Variants in KLHL41 observed in about 807,000 individuals in gnomAD.
KLHL41 encodes kelch-like protein 41.
Under a neutral mutation model 49.2 loss-of-function variants are expected in KLHL41, and 31 were observed. The ratio of observed to expected loss-of-function variants is 0.63; its 90% confidence interval spans 0.47 to 0.85. The LOEUF (loss-of-function observed/expected upper bound fraction) is 0.85, where lower values mean the gene tolerates loss of function less well. Among genes scored for constraint, KLHL41 ranks in the 40% least tolerant of loss-of-function variants. KLHL41 has a pLI of 0.00. For synonymous variants in KLHL41, 218 were observed against 258.5 expected (o/e 0.84, Z 1.50); for missense variants, 663 against 726.7 (o/e 0.91, Z 1.01).
chr2:169,518,281 G>A lies in KLHL41; in HGVS notation c.1468G>A (p.Val490Ile), dbSNP rs1341786999. The A allele has an allele frequency of 5.6e-6, 9 of 1,613,938 alleles. No individual in the cohort carries two copies. Among genetic ancestry groups the A allele is most frequent in the Non-Finnish European group, 7.6e-6 (9 of 1,179,912 alleles). ...PMKIPRSMFG[V>I]AVHKGKIVIA... ...GAAAATTCCTCGTTCCATGTTTGGA[G>A]TAGCAGTCCATAAAGGCAAAATTGT... Residue 490 changes from valine (V) to isoleucine (I), a missense_variant, in exon 4 of 6, where the codon GTA becomes ATA. Transcript: ENST00000284669.
rs1307507702 is a variant in KLHL41 at position 169,525,768 on chromosome 2, T to C, written c.*72T>C. 1.2e-6 allele frequency: 1 copy of C among 849,810 alleles called. No individual in the cohort carries two copies. The highest frequency in any genetic ancestry group is 1.9e-6 in the Non-Finnish European group (1 of 516,630). 52.6% of individuals were successfully genotyped at this position (849,810 alleles called of 1,614,324 possible). A position where few individuals can be genotyped will look rare whatever the true frequency, so the allele number is the denominator to read the frequency against. Reference sequence around the variant, plus strand: ...ATGGGGCTTTAATTTATTCTGTTTTTTAAAAGCTTGTACAGACACTCATGT... The same window carrying C: ...ATGGGGCTTTAATTTATTCTGTTTTCTAAAAGCTTGTACAGACACTCATGT... On this transcript the variant is annotated 3_prime_UTR_variant, in exon 6 of 6. Transcript: ENST00000284669.
chr2:169,510,939 C>T lies in KLHL41; in HGVS notation c.1110+51C>T. 2.7e-6 allele frequency: 4 copies of T among 1,480,062 alleles called. No homozygotes were observed. The South Asian group carries it at 3.8e-5, about 14-fold the overall frequency. The allele number at this position is 1,480,062 out of a possible 1,614,324, so 91.7% of individuals were successfully genotyped here. A position where few individuals can be genotyped will look rare whatever the true frequency, so the allele number is the denominator to read the frequency against. On this transcript the variant is annotated intron_variant, in intron 1 of 5. Coordinates refer to ENST00000284669, the MANE Select transcript of KLHL41 (RefSeq NM_006063.3). This position sits in a 1 kb window ranked among gnomAD's most constrained non-coding sequence, Gnocchi z 4.2. ...GTTGCTTAAAGGGAAGGCTGTTACT[C>T]ACCATCCAGTTAGCCAATTTGTGAA... is the stretch of plus-strand genomic sequence containing the variant.
chr2:169,524,623 C>G (rs1425961417), intron 5 of KLHL41, among the ~76,000 whole-genome samples: 2 of 151,956 alleles, frequency 1.3e-5, no homozygotes, highest in Non-Finnish European at 2.9e-5. Context: ...GTCTCAAACT[C>G]CTGATCTCAG....
At chr2:169,515,027 TTTC>T in intron 3 of KLHL41, 66 bp downstream of exon 3, 1 of 984,154 alleles carries the variant, frequency 1.0e-6, no homozygotes, top group Non-Finnish European at 1.5e-6. Context: ...TTCTTCCTCT[TTTC>T]TTTTCTTTTT....
At chr2:169,523,272 C>T (rs557847660) in intron 5 of KLHL41, among the ~76,000 whole-genome samples, 73 of 152,294 alleles carry the variant, frequency 4.8e-4, no homozygotes, top group African/African-American at 1.7e-3. Context: ...GCGATTAGAG[C>T]AGTGGTTCCC....
intron 4 of KLHL41, 142 bp from the exon 5 acceptor site, chr2:169,520,719 C>G: frequency 3.2e-6 from 2 of 631,290 alleles, no homozygotes; most frequent in Non-Finnish European, 5.4e-6. Context: ...TCCCAAAGTG[C>G]TGGGATTACC....
At chr2:169,523,140 C>T (rs1243662854) in intron 5 of KLHL41, among the ~76,000 whole-genome samples, 1 of 152,140 alleles carries the variant, frequency 6.6e-6, no homozygotes, top group Non-Finnish European at 1.5e-5. Context: ...AAAAGCCATG[C>T]TGCCCCTGCA....
Position 169,510,336 on chromosome 2 carries a change from CA to C in KLHL41, c.559del (p.Ser187AlafsTer2), listed in dbSNP as rs776266534. The C allele has an allele frequency of 6.2e-7, 1 of 1,614,032 alleles. No homozygotes were observed. The highest frequency in any genetic ancestry group is 1.1e-5 in the South Asian group (1 of 91,070). On this transcript the variant is annotated frameshift_variant, in exon 1 of 6. Coordinates refer to ENST00000284669, the MANE Select transcript of KLHL41 (RefSeq NM_006063.3). LOFTEE classifies it high-confidence loss of function. This position sits in a 1 kb window ranked among gnomAD's most constrained non-coding sequence, Gnocchi z 4.2. ...AACTGATCTCAGTCATTTCAAATGA[CA>C]GCCTAAATGTAGAAAAAGAAGAAGC... is the stretch of plus-strand genomic sequence containing the variant. ...QELISVISND[S>X]LNVEKEEAVF...
intron 4 of KLHL41, among the ~76,000 whole-genome samples, chr2:169,520,621 T>A (rs1369344045): frequency 6.6e-6 from 1 of 151,526 alleles, no homozygotes; most frequent in African/African-American, 2.4e-5. Context: ...CTGGCTAATT[T>A]TTTGTATTTT....
chr2:169,511,744 CATTT>C (rs1280822082), intron 1 of KLHL41, among the ~76,000 whole-genome samples: 2 of 152,188 alleles, frequency 1.3e-5, no homozygotes, highest in African/African-American at 4.8e-5. Context: ...TATTATATCA[CATTT>C]ATTTGGATCA....
chr2:169,514,505 A>G, intron 1 of KLHL41, 69 bp from the exon 2 acceptor site: 1 of 1,328,572 alleles, frequency 7.5e-7, no homozygotes, highest in South Asian at 1.3e-5. Flanking sequence ...TATAAAGTAT[A>G]ACTTTTTTTG....
intron 3 of KLHL41, among the ~76,000 whole-genome samples, chr2:169,516,541 A>G (rs1336374989): frequency 1.3e-5 from 2 of 152,192 alleles, no homozygotes; most frequent in African/African-American, 2.4e-5. Context: ...TTGGAAACAC[A>G]GGAACCCTGC....
chr2:169,510,584 A>G lies in KLHL41; in HGVS notation c.806A>G (p.Asn269Ser), dbSNP rs1684016248. Residue 269 changes from asparagine to serine, a missense_variant, in exon 1 of 6, where the codon AAT becomes AGT. Asn to Ser is a conservative substitution (Grantham distance 46, BLOSUM62 1). Transcript: ENST00000284669. The surrounding 1 kb of genome is among the most constrained non-coding windows in gnomAD (Gnocchi z 4.2). ...FAGKLPEPSK[N>S]AAKTGAGEVN... ...GGCAAACTCCCAGAACCTAGCAAAA[A>G]TGCCGCGAAGACTGGGGCTGGTGAG... is the stretch of plus-strand genomic sequence containing the variant. The G allele has an allele frequency of 1.2e-6, 2 of 1,614,184 alleles. No homozygotes were observed. Among genetic ancestry groups the G allele is most frequent in the Non-Finnish European group, 1.7e-6 (2 of 1,180,036 alleles).
Position 169,510,535 on chromosome 2 carries a change from A to C in KLHL41, c.757A>C (p.Lys253Gln). ...CAACCCAGACCTCCAGAAAAAAATC[A>C]AAGTTCTAAAAGATGCTTTCGCAGG... ...KSNPDLQKKI[K>Q]VLKDAFAGKL... Residue 253 changes from lysine (K) to glutamine (Q), a missense_variant, in exon 1 of 6, where the codon AAA (lysine) becomes CAA (glutamine). Transcript: ENST00000284669. The surrounding 1 kb of genome is among the most constrained non-coding windows in gnomAD (Gnocchi z 4.2). 1 of 1,613,612 alleles carries C rather than the reference A, an allele frequency of 6.2e-7. No homozygotes were observed. The highest frequency in any genetic ancestry group is 1.3e-5 in the African/African-American group (1 of 74,934).
rs1349678487 is a variant in KLHL41, at chr2:169,514,607, C to A, written c.1144C>A (p.Pro382Thr). ...DSIASEWVGL[P>T]PLPSARCLFG... ...CATAGCATCTGAATGGGTTGGACTT[C>A]CACCTCTGCCTTCAGCCAGGTGTCT... The change falls in exon 2 of 6, where the codon CCA becomes ACA. Residue 382 changes from proline (P) to threonine (T), a missense_variant. Transcript: ENST00000284669. 1.2e-6 allele frequency: 2 copies of A among 1,613,822 alleles called. No homozygotes were observed. Among genetic ancestry groups the A allele is most frequent in the Admixed American group, 3.3e-5 (2 of 59,996 alleles).
At chr2:169,514,259 A>G (rs1684072442) in intron 1 of KLHL41, 1 of 222,514 alleles carries the variant, frequency 4.5e-6, no homozygotes, top group African/African-American at 2.3e-5. Context: ...TTCAAAGCTG[A>G]ACAAGGCAAT....
chr2:169,524,641 G>T (rs184834278), intron 5 of KLHL41, among the ~76,000 whole-genome samples: 1 of 151,994 alleles, frequency 6.6e-6, no homozygotes, highest in African/African-American at 2.4e-5. Context: ...CAGGTGACCT[G>T]CCCCCCTCGG....
At chr2:169,519,299 G>A (rs1322702271) in intron 4 of KLHL41, among the ~76,000 whole-genome samples, 5 of 152,098 alleles carry the variant, frequency 3.3e-5, no homozygotes, top group Admixed American at 6.5e-5. Flanking sequence ...GAAGAAAAAA[G>A]AGAAATATTA....
At chr2:169,524,371 A>G (rs1473702692) in intron 5 of KLHL41, among the ~76,000 whole-genome samples, 2 of 151,712 alleles carry the variant, frequency 1.3e-5, no homozygotes, top group East Asian at 3.9e-4. Flanking sequence ...GCTAATTTTA[A>G]TAATTATTTT....
Sources: gnomAD v4.1 joint callset for allele counts (sites outside exome capture counted in the v4.1 genomes callset) on GRCh38, gnomAD v4.1.1 for gene constraint, Gnocchi (gnomAD v3.1) non-coding constraint, MANE v1.5 for transcripts, NCBI Gene and HGNC (gene_info 2026-07-23, HGNC 2026-07-21) for gene names.